The following CLCN5 variants were observed in gnomAD, a reference collection of about 807,000 sequenced individuals.
CLCN5 encodes H(+)/Cl(-) exchange transporter 5.
Under a neutral mutation model 54.0 loss-of-function variants are expected in CLCN5, and 17 were observed. The ratio of observed to expected loss-of-function variants is 0.31; its 90% CI spans 0.22 to 0.47. CLCN5 has a LOEUF of 0.47. Ranked by LOEUF, CLCN5 falls within the 20% of genes least tolerant of loss-of-function variation. The pLI is 1.00. For synonymous variants in CLCN5, 222 were observed against 233.0 expected, an observed-to-expected ratio of 0.95 and a Z score of 0.43; for missense variants, 448 against 646.7, an observed-to-expected ratio of 0.69 and a Z score of 3.33.
chrX:50,062,544 C>G (rs1186369279), intron 4 of CLCN5, among the ~76,000 whole-genome samples: 2 of 38,310 alleles, frequency 5.2e-5, no homozygotes, highest in African/African-American at 1.5e-4. Context: ...CATAGACTCC[C>G]ACACATTAAT....
At chrX:50,077,834 A>C (rs1602117727) in intron 7 of CLCN5, among the ~76,000 whole-genome samples, 2 of 86,427 alleles carry the variant, frequency 2.3e-5, no homozygotes, top group East Asian at 6.6e-4. Context: ...AAAAAAAAAA[A>C]AAAAAAAAAA....
At chrX:49,924,145 A>ATTTTTTTTTTTTTTT in intron 2 of CLCN5, among the ~76,000 whole-genome samples, 1 of 84,475 alleles carries the variant, frequency 1.2e-5, no homozygotes, top group African/African-American at 4.5e-5. Flanking sequence ...CCTAGCTCCT[A>ATTTTTTTTTTTTTTT]TTTTTTTTTT....
At chrX:49,997,979 T>C (rs1929612887) in intron 3 of CLCN5, among the ~76,000 whole-genome samples, 2 of 111,139 alleles carry the variant, frequency 1.8e-5, no homozygotes, top group Admixed American at 9.5e-5. Context: ...GCTAAACAGT[T>C]GGGGTCAGGG....
At chrX:50,029,456 T>A (rs929136001) in intron 3 of CLCN5, among the ~76,000 whole-genome samples, 20 of 110,970 alleles carry the variant, frequency 1.8e-4, no homozygotes, top group Non-Finnish European at 3.4e-4. Context: ...TCCAGCTTCA[T>A]CCATGTCCCT....
chrX:50,027,388 A>G (rs1931463425), intron 3 of CLCN5, among the ~76,000 whole-genome samples: 2 of 111,565 alleles, frequency 1.8e-5, no homozygotes, highest in South Asian at 7.5e-4. Context: ...CAGTCCTTGG[A>G]CATTCTGTTC....
chrX:50,076,426 T>C (rs1369944746), intron 7 of CLCN5, among the ~76,000 whole-genome samples: 2 of 112,569 alleles, frequency 1.8e-5, no homozygotes, highest in Non-Finnish European at 3.8e-5. Flanking sequence ...TACAATGCAT[T>C]CCATGTCAAA....
At chrX:49,990,247 C>T (rs1557178756) in intron 3 of CLCN5, among the ~76,000 whole-genome samples, 1 of 110,692 alleles carries the variant, frequency 9.0e-6, no homozygotes, top group Non-Finnish European at 1.9e-5. Context: ...TCACTGCAAC[C>T]TCTGCCTCCC....
chrX:50,079,286 T>C (rs1203805957), intron 7 of CLCN5, among the ~76,000 whole-genome samples: 1 of 111,999 alleles, frequency 8.9e-6, no homozygotes, highest in Non-Finnish European at 1.9e-5. Context: ...GGAAAACCTG[T>C]GTCAAATTTA....
At chrX:49,960,283 C>T (rs782353023) in intron 3 of CLCN5, among the ~76,000 whole-genome samples, 1 of 110,401 alleles carries the variant, frequency 9.1e-6, no homozygotes, top group South Asian at 3.8e-4. Flanking sequence ...GTTCTGTTCC[C>T]AGGCTGCTGA....
chrX:50,086,249 C>A, intron 10 of CLCN5, 79 bp from the exon 11 acceptor site: 1 of 1,049,364 alleles, frequency 9.5e-7, no homozygotes, highest in Non-Finnish European at 1.3e-6. Flanking sequence ...AGTTGACTCT[C>A]ATGCCTGCAG....
intron 12 of CLCN5, 70 bp from the exon 13 acceptor site, chrX:50,090,046 T>G: frequency 8.9e-7 from 1 of 1,122,366 alleles, no homozygotes; most frequent in Non-Finnish European, 1.2e-6. Context: ...CAGCTTTTCC[T>G]GGAAAGGCCC....
intron 4 of CLCN5, among the ~76,000 whole-genome samples, chrX:50,062,144 T>C (rs1209833): frequency 0.069 from 7,007 of 102,208 alleles, 291 homozygotes; most frequent in Non-Finnish European, 0.1. Context: ...CAGGATCAAA[T>C]TCACACATAA....
chrX:49,939,005 A>G (rs1196237321), intron 3 of CLCN5, among the ~76,000 whole-genome samples: 2 of 106,882 alleles, frequency 1.9e-5, no homozygotes, highest in Non-Finnish European at 3.9e-5. Context: ...CTCAAAAGAA[A>G]ACATTTATGC....
chrX:49,957,560 C>CTGT (rs1927394066), intron 3 of CLCN5, among the ~76,000 whole-genome samples: 1 of 111,410 alleles, frequency 9.0e-6, no homozygotes, highest in Non-Finnish European at 1.9e-5. Context: ...CTAGCCTCGC[C>CTGT]TGTTGGTATT....
chrX:49,931,999 T>G (rs1557168937), intron 3 of CLCN5, among the ~76,000 whole-genome samples: 1 of 110,319 alleles, frequency 9.1e-6, no homozygotes, highest in East Asian at 2.8e-4. Context: ...CACTGTAACC[T>G]CAAACTCCCA....
At chrX:50,077,611 AGAGAGAGAGAGT>A (rs1441113336) in intron 7 of CLCN5, among the ~76,000 whole-genome samples, 29 of 96,387 alleles carry the variant, frequency 3.0e-4, no homozygotes, top group African/African-American at 1.0e-3. Context: ...AGAGAGAGAG[AGAGAGAGAGAGT>A]GTGTGTGTGT....
At chrX:50,003,693 A>T (rs782660744) in intron 3 of CLCN5, 1 of 282,810 alleles carries the variant, frequency 3.5e-6, no homozygotes, top group African/African-American at 2.7e-5. Context: ...ACTCTCAGCC[A>T]TGTCCTTTCT....
At chrX:49,985,851 A>G (rs1355497974) in intron 3 of CLCN5, among the ~76,000 whole-genome samples, 1 of 111,737 alleles carries the variant, frequency 8.9e-6, no homozygotes, top group Non-Finnish European at 1.9e-5. Flanking sequence ...GTATTTTTAT[A>G]ACTAGAGTCA....
At chrX:49,938,801 A>G (rs1339862323) in intron 3 of CLCN5, among the ~76,000 whole-genome samples, 1 of 102,692 alleles carries the variant, frequency 9.7e-6, no homozygotes. Context: ...GGATCTAATT[A>G]AACTAAAGAG....
Sources: allele counts gnomAD v4.1 joint callset (sites outside exome capture counted in the v4.1 genomes callset), GRCh38; gene constraint gnomAD v4.1.1; transcripts MANE v1.5; gene names NCBI Gene and HGNC (gene_info 2026-07-23, HGNC 2026-07-21).